MAPKAP1: variants seen among roughly 807,000 people sequenced by gnomAD.
The protein encoded by MAPKAP1 is target of rapamycin complex 2 subunit MAPKAP1.
A neutral mutation model predicts 65.7 loss-of-function variants in MAPKAP1; 20 were observed. The ratio of observed to expected loss-of-function variants is 0.30; its 90% CI spans 0.21 to 0.44. The LOEUF is 0.44. Ranked by LOEUF, MAPKAP1 falls within the 20% of genes least tolerant of loss-of-function variation. The pLI, the probability that MAPKAP1 is intolerant of heterozygous loss-of-function variation, is 1.00. For synonymous variants in MAPKAP1, 222 were observed against 244.3 expected (o/e 0.91, Z 0.85); for missense variants, 423 against 648.0 (o/e 0.65, Z 3.77).
intron 2 of MAPKAP1, among the ~76,000 whole-genome samples, chr9:125,670,988 A>C (rs959467655): frequency 7.9e-6 from 1 of 126,512 alleles, no homozygotes; most frequent in Non-Finnish European, 1.7e-5. Flanking sequence ...GAGCATTCTG[A>C]CAATGTCACT....
rs182025054 is a variant in MAPKAP1, at chr9:125,568,558, C to A, written c.672-8749G>T. Among the ~76,000 whole-genome samples, 44 of 152,262 alleles carry A rather than the reference C, an allele frequency of 2.9e-4. No homozygotes were observed. The East Asian group carries it at 8.5e-3, about 29-fold the overall frequency. On this transcript the variant is annotated intron_variant, in intron 5 of 11. Coordinates refer to ENST00000265960, the MANE Select transcript of MAPKAP1 (RefSeq NM_001006617.3). ...TTCCTTTCCTTTCTTTTCTGTTACT[C>A]AGGGCAACCACCCTGCCCAGCCACC... is the stretch of plus-strand genomic sequence containing the variant.
intron 5 of MAPKAP1, among the ~76,000 whole-genome samples, chr9:125,578,105 T>C (rs1418294631): frequency 6.6e-6 from 1 of 152,118 alleles, no homozygotes; most frequent in Non-Finnish European, 1.5e-5. Flanking sequence ...TCTTCTGCCT[T>C]GGGATCCTGT....
chr9:125,652,624 C>T (rs936471375), intron 4 of MAPKAP1, among the ~76,000 whole-genome samples: 6 of 152,208 alleles, frequency 3.9e-5, no homozygotes, highest in African/African-American at 1.2e-4. Flanking sequence ...CTTTCAAGCA[C>T]TTGTCAAGTC....
Position 125,631,989 on chromosome 9 carries a change from G to A in MAPKAP1, c.498+25662C>T, listed in dbSNP as rs553765600. Among the ~76,000 whole-genome samples, 6 of 152,268 alleles carry A rather than the reference G, an allele frequency of 3.9e-5. No homozygotes were observed. In the South Asian group the frequency reaches 1.0e-3, roughly 26 times the overall value. On this transcript the variant is annotated intron_variant, in intron 4 of 11. Coordinates refer to ENST00000265960, the MANE Select transcript of MAPKAP1 (RefSeq NM_001006617.3). ...AATCCCAGCACTTTGCAAGGCCGAGGCGGGCAGATCCCTTGAGGTAAGGAG... is the reference window on the plus strand; with the variant it reads ...AATCCCAGCACTTTGCAAGGCCGAGACGGGCAGATCCCTTGAGGTAAGGAG...
intron 3 of MAPKAP1, among the ~76,000 whole-genome samples, chr9:125,666,763 C>A (rs1003618297): frequency 2.0e-5 from 3 of 152,146 alleles, no homozygotes; most frequent in African/African-American, 7.2e-5. Flanking sequence ...GCTCAGTTTG[C>A]CAGGTAGATG....
intron 6 of MAPKAP1, among the ~76,000 whole-genome samples, chr9:125,551,312 A>G (rs2133192849): frequency 6.6e-6 from 1 of 152,270 alleles, no homozygotes; most frequent in East Asian, 1.9e-4. Flanking sequence ...CAAGAAGGTA[A>G]ACTAAAACTC....
intron 4 of MAPKAP1, among the ~76,000 whole-genome samples, chr9:125,617,009 T>C (rs957953752): frequency 6.6e-6 from 1 of 152,276 alleles, no homozygotes; most frequent in Non-Finnish European, 1.5e-5. Flanking sequence ...TTTATCTATA[T>C]GTGCACTTAA....
intron 6 of MAPKAP1, chr9:125,559,002 G>A (rs1830815337): frequency 6.6e-6 from 1 of 152,202 alleles, no homozygotes; most frequent in South Asian, 2.1e-4. Flanking sequence ...ACAGGCTTCA[G>A]GAGTTACTGT....
chr9:125,459,304 A>C (rs7848564), intron 10 of MAPKAP1, among the ~76,000 whole-genome samples: 1 of 147,700 alleles, frequency 6.8e-6, no homozygotes, highest in Non-Finnish European at 1.5e-5. Flanking sequence ...GATGGCGGCC[A>C]GGCAGAGATG....
At chr9:125,661,572 T>C (rs572881063) in intron 3 of MAPKAP1, among the ~76,000 whole-genome samples, 4 of 152,328 alleles carry the variant, frequency 2.6e-5, no homozygotes, top group East Asian at 3.9e-4. Context: ...AAACAGTATG[T>C]ATAGTATGCT....
chr9:125,648,250 C>T (rs1452657812), intron 4 of MAPKAP1, among the ~76,000 whole-genome samples: 1 of 152,124 alleles, frequency 6.6e-6, no homozygotes, highest in Non-Finnish European at 1.5e-5. Flanking sequence ...TCAGCCTGTT[C>T]CCTCACCTGG....
intron 8 of MAPKAP1, among the ~76,000 whole-genome samples, chr9:125,491,320 T>C (rs1189128911): frequency 6.6e-6 from 1 of 151,974 alleles, no homozygotes; most frequent in Non-Finnish European, 1.5e-5. Flanking sequence ...GGCTCATGCC[T>C]GTACTCCCAG....
intron 5 of MAPKAP1, among the ~76,000 whole-genome samples, chr9:125,564,199 G>C (rs1564560305): frequency 6.6e-6 from 1 of 152,150 alleles, no homozygotes; most frequent in Non-Finnish European, 1.5e-5. Flanking sequence ...AGGATGAAAG[G>C]GGAATTTTTA....
intron 4 of MAPKAP1, among the ~76,000 whole-genome samples, chr9:125,619,497 T>G (rs1231656372): frequency 6.6e-6 from 1 of 152,036 alleles, no homozygotes; most frequent in Admixed American, 6.6e-5. Context: ...AAACTGCGTT[T>G]TATTCTGTAT....
chr9:125,669,456 G>A (rs993562051), intron 3 of MAPKAP1, among the ~76,000 whole-genome samples: 1 of 152,006 alleles, frequency 6.6e-6, no homozygotes, highest in Non-Finnish European at 1.5e-5. Flanking sequence ...CTCCGGCCTG[G>A]GCAAAAAGAG....
intron 4 of MAPKAP1, among the ~76,000 whole-genome samples, chr9:125,643,783 G>A (rs988261496): frequency 6.6e-6 from 1 of 152,068 alleles, no homozygotes; most frequent in African/African-American, 2.4e-5. Flanking sequence ...TTAGGCTTTT[G>A]ATATATATCA....
intron 4 of MAPKAP1, among the ~76,000 whole-genome samples, chr9:125,604,748 T>G (rs981903423): frequency 1.3e-5 from 2 of 152,248 alleles, no homozygotes; most frequent in Admixed American, 6.5e-5. Flanking sequence ...CTCGTGCTTG[T>G]GTGTACTGAA....
At chr9:125,582,925 T>A (rs1831668188) in intron 5 of MAPKAP1, among the ~76,000 whole-genome samples, 1 of 152,136 alleles carries the variant, frequency 6.6e-6, no homozygotes. Flanking sequence ...GCTCTGATCA[T>A]CACCCATGCC....
chr9:125,445,183 G>A (rs879762738), intron 10 of MAPKAP1, among the ~76,000 whole-genome samples: 10 of 152,182 alleles, frequency 6.6e-5, no homozygotes, highest in South Asian at 2.1e-4. Flanking sequence ...CTCACAAAGC[G>A]ACCGACTCCA....
Sources: gnomAD v4.1 joint callset for allele counts (sites outside exome capture counted in the v4.1 genomes callset) on GRCh38, gnomAD v4.1.1 for gene constraint, MANE v1.5 for transcripts, NCBI Gene and HGNC (gene_info 2026-07-23, HGNC 2026-07-21) for gene names.